Variants in EP300 observed in about 807,000 individuals in gnomAD.
EP300 encodes histone acetyltransferase p300.
A neutral mutation model predicts 264.0 loss-of-function variants in EP300; 31 were observed. That is an observed-to-expected ratio of 0.12 (90% CI 0.09 to 0.16). The LOEUF (loss-of-function observed/expected upper bound fraction) is 0.16. EP300 is among the 10% of genes least tolerant of loss of function. EP300 has a pLI of 1.00. For missense variants in EP300, 2,766 were observed against 3,052.9 expected, an observed-to-expected ratio of 0.91 and a Z score of 2.21; for synonymous variants, 1,340 against 1,045.4, an observed-to-expected ratio of 1.28 and a Z score of -5.44.
intron 6 of EP300, among the ~76,000 whole-genome samples, chr22:41,135,606 G>A (rs2058946099): frequency 6.6e-6 from 1 of 151,514 alleles, no homozygotes; most frequent in Admixed American, 6.6e-5. Context: ...ATGATTTACT[G>A]TTGGGTGCTT....
chr22:41,099,720 C>T (rs1252793518), intron 1 of EP300, among the ~76,000 whole-genome samples: 1 of 152,142 alleles, frequency 6.6e-6, no homozygotes, highest in Non-Finnish European at 1.5e-5. Context: ...GTCATTGCTA[C>T]TTTTGGACTT....
chr22:41,179,853 T>C lies in EP300; in HGVS notation c.*897T>C. 1 of 229,946 alleles carries C rather than the reference T, an allele frequency of 4.3e-6. No homozygotes were observed. The highest frequency in any genetic ancestry group is 8.6e-6 in the Non-Finnish European group (1 of 116,634). 14.2% of individuals were successfully genotyped at this position (229,946 alleles called of 1,614,324 possible). On this transcript the variant is annotated 3_prime_UTR_variant, in exon 31 of 31. Transcript: ENST00000263253. ...CCCTGGGGGTTTCTTCTTTGCTTGC[T>C]TTCTTCCTCCTTACCCTACCCCCCA...
chr22:41,095,355 C>T (rs2058696613), intron 1 of EP300, among the ~76,000 whole-genome samples: 1 of 151,192 alleles, frequency 6.6e-6, no homozygotes. Context: ...TCTCAGCCTC[C>T]CTAGTAGCTA....
intron 1 of EP300, among the ~76,000 whole-genome samples, chr22:41,111,280 A>C (rs1024168274): frequency 1.3e-5 from 2 of 152,146 alleles, no homozygotes; most frequent in Non-Finnish European, 2.9e-5. Context: ...CCGGCTCTAC[A>C]TTATTTAAAA....
intron 1 of EP300, among the ~76,000 whole-genome samples, chr22:41,110,761 A>G (rs1397436323): frequency 6.6e-6 from 1 of 151,670 alleles, no homozygotes; most frequent in Non-Finnish European, 1.5e-5. Flanking sequence ...TGTATACTTT[A>G]GAATCATCTT....
chr22:41,101,680 G>T (rs1381383072), intron 1 of EP300, among the ~76,000 whole-genome samples: 3 of 152,028 alleles, frequency 2.0e-5, no homozygotes, highest in African/African-American at 7.2e-5. Flanking sequence ...CAAAGTGCTG[G>T]GATTACAGGG....
chr22:41,164,124 C>G lies in EP300; in HGVS notation c.3800C>G (p.Pro1267Arg). Residue 1267 changes from proline to arginine, a missense_variant, in exon 22 of 31, where the codon CCT becomes CGT. Transcript: ENST00000263253. ...ICVLHHEIIW[P>R]AGFVCDGCLK... The stretch of plus-strand genomic sequence containing the variant: ...GTCCTTCACCATGAGATCATCTGGC[C>G]TGCTGGGTAAGTCTTAACGTTGTTA... 6.2e-7 allele frequency: 1 copy of G among 1,613,974 alleles called. No individual in the cohort carries two copies. The highest frequency in any genetic ancestry group is 8.5e-7 in the Non-Finnish European group (1 of 1,179,900).
Position 41,135,806 on chromosome 22 carries a change from G to A in EP300, c.1529-7G>A, listed in dbSNP as rs774988310. The A allele has an allele frequency of 2.5e-6, 4 of 1,601,086 alleles. No individual in the cohort carries two copies. The highest frequency in any genetic ancestry group is 3.4e-6 in the Non-Finnish European group (4 of 1,168,442). On this transcript the variant is annotated splice_polypyrimidine_tract_variant and splice_region_variant and intron_variant, in intron 6 of 30. Transcript: ENST00000263253. ...TTTCTGTCTCCTGTTATTTCATTTT[G>A]ACTTAGGTGCTAGTCCTATGGGAGT...
intron 7 of EP300, among the ~76,000 whole-genome samples, chr22:41,137,212 C>T (rs1010818488): frequency 2.0e-5 from 3 of 151,686 alleles, no homozygotes; most frequent in Admixed American, 6.6e-5. Flanking sequence ...ACAAAATTAG[C>T]CGGACGTGGT....
At chr22:41,105,151 C>T (rs1217383713) in intron 1 of EP300, among the ~76,000 whole-genome samples, 2 of 121,282 alleles carry the variant, frequency 1.6e-5, no homozygotes, top group Admixed American at 1.9e-4. Context: ...GAGCCGAGAT[C>T]GTGCCACTGC....
rs765135593 is a variant in EP300 at position 41,169,648 on chromosome 22, TTAAC to T, written c.4286+35_4286+38del. On this transcript the variant is annotated intron_variant, in intron 26 of 30. Transcript: ENST00000263253. ...ATATTTTGATAATGGCTTTTTTTCT[TTAAC>T]TAGCATGGCATTCTGGTGAGATATA... 2.9e-5 allele frequency: 37 copies of T among 1,256,644 alleles called. No individual in the cohort carries two copies. In the South Asian group the frequency reaches 3.2e-4, roughly 11 times the overall value. 77.8% of individuals were successfully genotyped at this position (1,256,644 alleles called of 1,614,324 possible).
At chr22:41,114,453 A>G (rs953135271) in intron 1 of EP300, among the ~76,000 whole-genome samples, 5 of 152,158 alleles carry the variant, frequency 3.3e-5, no homozygotes, top group Admixed American at 2.0e-4. Context: ...TTGGGATTAC[A>G]GGTTGTGAGC....
chr22:41,166,064 C>T (rs2059132552), intron 22 of EP300, among the ~76,000 whole-genome samples: 2 of 152,154 alleles, frequency 1.3e-5, no homozygotes, highest in African/African-American at 4.8e-5. Flanking sequence ...GGATTACAGG[C>T]GGGAGCCACC....
In EP300 at chr22:41,100,126, G is replaced by A. The variant is rs373564676; in HGVS notation, c.94+7028G>A. On this transcript the variant is annotated intron_variant, in intron 1 of 30. Transcript: ENST00000263253. ...CATGCATCTGTAGTCCTAGCTTCTT[G>A]GGAGGCTTAAGGTGTGAGGATCTCT... Among the ~76,000 whole-genome samples the A allele has an allele frequency of 5.4e-4, 82 of 152,254 alleles. 3 individuals carry two copies. The South Asian group carries it at 0.017, about 31-fold the overall frequency.
chr22:41,175,835 AT>A (rs1207312628), intron 29 of EP300, among the ~76,000 whole-genome samples: 5 of 152,232 alleles, frequency 3.3e-5, no homozygotes, highest in Non-Finnish European at 7.3e-5. Flanking sequence ...TTTCAGTTCT[AT>A]TTATAGTCAG....
intron 1 of EP300, among the ~76,000 whole-genome samples, chr22:41,097,002 C>T (rs943324020): frequency 6.6e-6 from 1 of 152,136 alleles, no homozygotes; most frequent in Non-Finnish European, 1.5e-5. Context: ...ATTTATTTTC[C>T]AGCTCTGTAA....
intron 3 of EP300, among the ~76,000 whole-genome samples, chr22:41,126,497 A>G (rs932624220): frequency 6.6e-6 from 1 of 152,188 alleles, no homozygotes; most frequent in African/African-American, 2.4e-5. Flanking sequence ...TTTTTGTTAA[A>G]TAAAATTTTC....
At chr22:41,143,844 G>C (rs1263305433) in intron 10 of EP300, among the ~76,000 whole-genome samples, 1 of 152,192 alleles carries the variant, frequency 6.6e-6, no homozygotes, top group South Asian at 2.1e-4. Flanking sequence ...CTTGCAAAGT[G>C]CTGGGATTAC....
At chr22:41,170,703 G>A (rs1379303483) in intron 27 of EP300, 132 bp downstream of exon 27, 9 of 965,472 alleles carry the variant, frequency 9.3e-6, no homozygotes, top group Admixed American at 2.9e-5. Flanking sequence ...GCTCTGTCAC[G>A]CAGGCTGGAG....
Sources: gnomAD v4.1 joint callset for allele counts (sites outside exome capture counted in the v4.1 genomes callset) on GRCh38, gnomAD v4.1.1 for gene constraint, MANE v1.5 for transcripts, NCBI Gene and HGNC (gene_info 2026-07-23, HGNC 2026-07-21) for gene names.